The following NBAS variants were observed in gnomAD, a reference collection of about 807,000 sequenced individuals.
NBAS encodes NBAS subunit of NRZ tethering complex, also known as NAG/BC035112 fusion.
Under a neutral mutation model 302.5 loss-of-function variants are expected in NBAS, and 219 were observed. That is an observed-to-expected ratio of 0.72 (90% CI 0.65 to 0.81). NBAS has a LOEUF of 0.81. NBAS is among the 30% of genes least tolerant of loss of function. NBAS has a pLI of 0.00. For synonymous variants in NBAS, 1,118 were observed against 1,021.6 expected (o/e 1.09, Z -1.80); for missense variants, 2,932 against 2,841.6 (o/e 1.03, Z -0.72).
At chr2:15,007,583 G>C in the NBAS span, among the ~76,000 whole-genome samples, 1 of 152,052 alleles carries the variant, frequency 6.6e-6, no homozygotes, top group Non-Finnish European at 1.5e-5. Context: ...TTAGTGTAAA[G>C]GTCCCTGTTA....
chr2:15,319,029 AG>A (rs2148193876), intron 38 of NBAS, among the ~76,000 whole-genome samples: 1 of 152,350 alleles, frequency 6.6e-6, no homozygotes, highest in East Asian at 1.9e-4. Flanking sequence ...GTAAAAGAAC[AG>A]AAATCACAAC....
intron 21 of NBAS, among the ~76,000 whole-genome samples, chr2:15,441,727 T>A (rs1445470891): frequency 1.3e-5 from 2 of 151,842 alleles, no homozygotes; most frequent in Non-Finnish European, 2.9e-5. Context: ...GGATAAAGAG[T>A]CAAGACTCAT....
the NBAS span, among the ~76,000 whole-genome samples, chr2:14,830,143 G>A: frequency 1.3e-5 from 2 of 152,112 alleles, no homozygotes; most frequent in Admixed American, 1.3e-4. Flanking sequence ...TTCACACATG[G>A]TTGCAACAAT....
chr2:15,118,933 G>A, the NBAS span, among the ~76,000 whole-genome samples: 1 of 152,168 alleles, frequency 6.6e-6, no homozygotes, highest in Non-Finnish European at 1.5e-5. Flanking sequence ...TAAACATAAC[G>A]CAGTGTGAGT....
the NBAS span, among the ~76,000 whole-genome samples, chr2:14,883,963 C>A: frequency 2.1e-5 from 3 of 143,646 alleles, no homozygotes; most frequent in Non-Finnish European, 4.6e-5. Flanking sequence ...CATAGTAAGA[C>A]CTTCTCTCAA....
chr2:15,340,298 T>G (rs1672784738), intron 35 of NBAS, among the ~76,000 whole-genome samples: 1 of 152,118 alleles, frequency 6.6e-6, no homozygotes. Flanking sequence ...CTGAGTCCAC[T>G]GTGAAAGGTG....
At chr2:15,447,509 C>T (rs536484353) in intron 21 of NBAS, among the ~76,000 whole-genome samples, 17 of 152,202 alleles carry the variant, frequency 1.1e-4, no homozygotes, top group South Asian at 4.1e-4. Flanking sequence ...GGCTAGAAGA[C>T]GGTAAAAGGA....
chr2:15,435,031 A>G (rs1677944438), intron 21 of NBAS, among the ~76,000 whole-genome samples: 1 of 152,224 alleles, frequency 6.6e-6, no homozygotes, highest in Non-Finnish European at 1.5e-5. Flanking sequence ...ACTATTAATG[A>G]CACCAGAAAA....
At chr2:15,274,493 G>A (rs1229000951) in intron 44 of NBAS, among the ~76,000 whole-genome samples, 1 of 152,144 alleles carries the variant, frequency 6.6e-6, no homozygotes, top group African/African-American at 2.4e-5. Flanking sequence ...GAGTCCAAAT[G>A]CTAAGATTTT....
chr2:15,422,538 T>C (rs1193816343), intron 23 of NBAS, among the ~76,000 whole-genome samples: 1 of 151,686 alleles, frequency 6.6e-6, no homozygotes, highest in Non-Finnish European at 1.5e-5. Flanking sequence ...AATAACAAAA[T>C]AGTTGATTGT....
In NBAS at chr2:15,341,353, T is replaced by G. The variant is rs192470416; in HGVS notation, c.4180-10588A>C. Among the ~76,000 whole-genome samples, 17 of 151,794 alleles carry G rather than the reference T, an allele frequency of 1.1e-4. No homozygotes were observed. In the East Asian group the frequency reaches 3.1e-3, roughly 28 times the overall value. ...GTAAGCCAAGATAGTGCCAATGAAC[T>G]CCTGCCTGGGCAACAGAGCGAGACA... On this transcript the variant is annotated intron_variant, in intron 35 of 51. Transcript: ENST00000281513.
chr2:15,380,586 T>C (rs1674987372), intron 29 of NBAS, among the ~76,000 whole-genome samples: 1 of 147,534 alleles, frequency 6.8e-6, no homozygotes, highest in Non-Finnish European at 1.5e-5. Flanking sequence ...CAAGAGACAC[T>C]GAAGGTATTC....
the NBAS span, among the ~76,000 whole-genome samples, chr2:14,795,196 T>G: frequency 6.6e-6 from 1 of 152,200 alleles, no homozygotes; most frequent in Admixed American, 6.5e-5. Context: ...TTCCAAAGTG[T>G]TGTATGAATT....
intron 25 of NBAS, among the ~76,000 whole-genome samples, chr2:15,408,320 T>G (rs1452157406): frequency 6.6e-6 from 1 of 152,240 alleles, no homozygotes; most frequent in Non-Finnish European, 1.5e-5. Flanking sequence ...CTGGTCATTT[T>G]AACTCTGATG....
chr2:15,539,358 T>C lies in NBAS; in HGVS notation c.380-2A>G. The C allele has an allele frequency of 6.2e-7, 1 of 1,614,160 alleles. No individual in the cohort carries two copies. ...ACTGGGGTTTCGGGTCTTTCGGAAC[T>C]AGAACAAAAGAAAACAAGAGGTGCT... On this transcript the variant is annotated splice_acceptor_variant, in intron 6 of 51. Transcript: ENST00000281513. LOFTEE classifies it high-confidence loss of function.
intron 44 of NBAS, among the ~76,000 whole-genome samples, chr2:15,272,796 C>A (rs1669380543): frequency 6.6e-6 from 1 of 152,162 alleles, no homozygotes; most frequent in Non-Finnish European, 1.5e-5. Context: ...TCTAACCCAA[C>A]AAAATACACA....
chr2:15,426,620 T>C (rs1039597491), intron 22 of NBAS, among the ~76,000 whole-genome samples: 4 of 152,214 alleles, frequency 2.6e-5, no homozygotes, highest in Admixed American at 1.3e-4. Context: ...TCTGTTTCTA[T>C]TTTATACAAT....
chr2:15,160,392 T>A, the NBAS span, among the ~76,000 whole-genome samples: 1 of 152,142 alleles, frequency 6.6e-6, no homozygotes, highest in African/African-American at 2.4e-5. Flanking sequence ...TCCCTACGCA[T>A]GGACACACCT....
the NBAS span, among the ~76,000 whole-genome samples, chr2:14,799,111 T>C: frequency 1.3e-5 from 2 of 152,148 alleles, no homozygotes; most frequent in South Asian, 4.1e-4. Flanking sequence ...CTATTTATTC[T>C]TTTTTTCTGA....
Sources: allele counts gnomAD v4.1 joint callset (sites outside exome capture counted in the v4.1 genomes callset), GRCh38; gene constraint gnomAD v4.1.1; transcripts MANE v1.5; gene names NCBI Gene and HGNC (gene_info 2026-07-23, HGNC 2026-07-21).